Variants in EIF4B observed in about 807,000 individuals in gnomAD.
EIF4B encodes eukaryotic translation initiation factor 4B.
In EIF4B, 8 loss-of-function variants were observed where a neutral mutation model predicts 79.3. The observed-to-expected ratio is 0.10, with a 90% CI of 0.06 to 0.18. The LOEUF is 0.18. EIF4B is among the 10% of genes least tolerant of loss of function. The pLI is 1.00. For synonymous variants in EIF4B, 238 were observed against 274.7 expected (o/e 0.87, Z 1.32); for missense variants, 515 against 792.4 (o/e 0.65, Z 4.20).
chr12:53,022,317 GA>G, intron 5 of EIF4B, 175 bp from the exon 6 acceptor site: 2 of 904,056 alleles, frequency 2.2e-6, no homozygotes, highest in Non-Finnish European at 3.5e-6. Flanking sequence ...AAAACGGGAG[GA>G]AAAGAGCCAC....
At chr12:53,010,983 A>G (rs537475503) in intron 1 of EIF4B, among the ~76,000 whole-genome samples, 2 of 152,278 alleles carry the variant, frequency 1.3e-5, no homozygotes, top group South Asian at 4.1e-4. Flanking sequence ...TACAGTTTGG[A>G]CCGTGTGCAG....
chr12:53,034,060 T>C, intron 9 of EIF4B, 26 bp downstream of exon 9: 1 of 1,585,744 alleles, frequency 6.3e-7, no homozygotes, highest in Non-Finnish European at 8.6e-7. Flanking sequence ...GGATATCCCA[T>C]CTAGGAATCC....
Position 53,027,137 on chromosome 12 carries a change from A to ATTATTATTATTATTATTATTATTTTTT in EIF4B, c.668-643_668-642insATTATTATTATTATTATTATTTTTTTT, listed in dbSNP as rs1943349413. 4.3e-3 allele frequency among the ~76,000 whole-genome samples: 111 copies of ATTATTATTATTATTATTATTATTTTTT among 25,734 alleles called. 1 individual carries two copies. Among genetic ancestry groups the ATTATTATTATTATTATTATTATTTTTT allele is most frequent in the African/African-American group, 9.0e-3 (110 of 12,218 alleles). The allele number at this position is 25,734 out of a possible 152,430, so 16.9% of individuals were successfully genotyped here. ...AGACTGTCTCTCAAAAAAAAAAAAA[A>ATTATTATTATTATTATTATTATTTTTT]TTTTTTTTTTTTTTTTTTTTGAGAC... On this transcript the variant is annotated intron_variant, in intron 6 of 14. Transcript: ENST00000262056.
chr12:53,034,507 A>G (rs1425222604), intron 9 of EIF4B, 105 bp from the exon 10 acceptor site: 1 of 1,012,940 alleles, frequency 9.9e-7, no homozygotes, highest in Non-Finnish European at 1.5e-6. Flanking sequence ...ATATGCATAT[A>G]CACATATAGA....
chr12:53,019,435 A>ATTTTTTTCTTT (rs759250282), intron 3 of EIF4B, among the ~76,000 whole-genome samples: 3 of 39,452 alleles, frequency 7.6e-5, no homozygotes, highest in Non-Finnish European at 1.8e-4. Flanking sequence ...ATATATATAT[A>ATTTTTTTCTTT]TATTTTTTTT....
Position 53,022,504 on chromosome 12 carries a change from C to T in EIF4B, c.544C>T (p.Arg182Cys). 2 of 1,613,088 alleles carry T rather than the reference C, an allele frequency of 1.2e-6. No individual in the cohort carries two copies. The highest frequency in any genetic ancestry group is 8.5e-7 in the Non-Finnish European group (1 of 1,179,856). Residue 182 changes from arginine to cysteine, a missense_variant, in exon 6 of 15, where the codon CGT becomes TGT. Coordinates refer to ENST00000262056, the MANE Select transcript of EIF4B (RefSeq NM_001417.7). ...DQAQDKDRDD[R>C]SFGRDRNRDS... ...TAATGTATCTGTAGACAGGGATGAT[C>T]GTTCTTTTGGCCGTGATAGAAATCG...
At chr12:53,013,361 A>G (rs1035541674) in intron 1 of EIF4B, among the ~76,000 whole-genome samples, 2 of 152,242 alleles carry the variant, frequency 1.3e-5, no homozygotes, top group Admixed American at 6.5e-5. Flanking sequence ...AAGGATCTGT[A>G]GCTAGCATCA....
chr12:53,011,610 T>C (rs1943064448), intron 1 of EIF4B, among the ~76,000 whole-genome samples: 2 of 152,190 alleles, frequency 1.3e-5, no homozygotes, highest in African/African-American at 4.8e-5. Context: ...TAAGCTAAAA[T>C]ATCAGCAGTG....
intron 13 of EIF4B, 22 bp downstream of exon 13, chr12:53,039,365 T>C (rs761012246): frequency 6.5e-7 from 1 of 1,529,382 alleles, no homozygotes; most frequent in Admixed American, 1.9e-5. Flanking sequence ...CTCTTTCTCA[T>C]CTTTCCTCTG....
At chr12:53,039,581 T>C in intron 13 of EIF4B, 49 bp from the exon 14 acceptor site, 1 of 1,604,026 alleles carries the variant, frequency 6.2e-7, no homozygotes, top group East Asian at 2.2e-5. Context: ...ATGTTTGTAT[T>C]AGGCGAGTCC....
chr12:53,027,142 T>TAA (rs1943350546), intron 6 of EIF4B, among the ~76,000 whole-genome samples: 4 of 111,594 alleles, frequency 3.6e-5, no homozygotes, highest in African/African-American at 1.2e-4. Context: ...AAAAAATTTT[T>TAA]TTTTTTTTTT....
At chr12:53,035,787 C>T (rs1235464426) in intron 10 of EIF4B, among the ~76,000 whole-genome samples, 1 of 151,980 alleles carries the variant, frequency 6.6e-6, no homozygotes, top group Non-Finnish European at 1.5e-5. Flanking sequence ...GTCTTTCCTC[C>T]CACCTCTAAA....
In EIF4B at chr12:53,014,738, AT is replaced by A. The variant is rs1048780505; in HGVS notation, c.14-1733del. Reference sequence around the variant, plus strand: ...AACAAAGGGGTACATCAAGTTTGATATTCTTGGATTAAAAATCAGGTGACAA... The same window carrying A: ...AACAAAGGGGTACATCAAGTTTGATATCTTGGATTAAAAATCAGGTGACAA... On this transcript the variant is annotated intron_variant, in intron 1 of 14. Transcript: ENST00000262056. 1.4e-3 allele frequency: 210 copies of A among 152,328 alleles called. 1 individual carries two copies. The highest frequency in any genetic ancestry group is 4.9e-3 in the African/African-American group (202 of 41,584). The allele number at this position is 152,328 out of a possible 1,614,324, so 9.4% of individuals were successfully genotyped here. A position where few individuals can be genotyped will look rare whatever the true frequency, so the allele number is the denominator to read the frequency against.
chr12:53,016,687 G>A (rs1167765848), intron 2 of EIF4B, 77 bp downstream of exon 2: 45 of 1,486,356 alleles, frequency 3.0e-5, no homozygotes, highest in South Asian at 1.3e-4. Flanking sequence ...AATTCACATC[G>A]TTTGTAATCT....
rs766189761 is a variant in EIF4B, at chr12:53,034,047, G to C, written c.1208+13G>C. On this transcript the variant is annotated intron_variant, in intron 9 of 14. Transcript: ENST00000262056. ...GGCCTCGGGAGAGGTGTGTTGTCTT[G>C]ATGGATATCCCATCTAGGAATCCGG... is the stretch of plus-strand genomic sequence containing the variant. The C allele has an allele frequency of 6.3e-7, 1 of 1,599,452 alleles. No homozygotes were observed. Among genetic ancestry groups the C allele is most frequent in the Non-Finnish European group, 8.5e-7 (1 of 1,172,360 alleles).
Position 53,040,767 on chromosome 12 carries a change from G to A in EIF4B, c.*544G>A, listed in dbSNP as rs990755977. The A allele has an allele frequency of 1.1e-4, 17 of 150,456 alleles. No individual in the cohort carries two copies. Among genetic ancestry groups the A allele is most frequent in the African/African-American group, 4.1e-4 (17 of 41,018 alleles). 9.3% of individuals were successfully genotyped at this position (150,456 alleles called of 1,614,324 possible). A position where few individuals can be genotyped will look rare whatever the true frequency, so the allele number is the denominator to read the frequency against. ...CCTCTTATTTAATTCTGAGTTTTGG[G>A]GGCCAGCCTAGAGGGAATTCCTTTT... On this transcript the variant is annotated 3_prime_UTR_variant, in exon 15 of 15. Coordinates refer to ENST00000262056, the MANE Select transcript of EIF4B (RefSeq NM_001417.7).
chr12:53,033,494 C>T (rs1301258887), intron 8 of EIF4B, among the ~76,000 whole-genome samples: 1 of 151,884 alleles, frequency 6.6e-6, no homozygotes, highest in African/African-American at 2.4e-5. Flanking sequence ...AGGTGCGCGC[C>T]CCAACGCCCA....
In EIF4B at chr12:53,027,137, A is replaced by ATTTTTTTTTTTTTT. The variant is rs71095967; in HGVS notation, c.668-638_668-625dup. On this transcript the variant is annotated intron_variant, in intron 6 of 14. Coordinates refer to ENST00000262056, the MANE Select transcript of EIF4B (RefSeq NM_001417.7). ...AGACTGTCTCTCAAAAAAAAAAAAA[A>ATTTTTTTTTTTTTT]TTTTTTTTTTTTTTTTTTTTGAGAC... 1.3e-3 allele frequency among the ~76,000 whole-genome samples: 33 copies of ATTTTTTTTTTTTTT among 25,738 alleles called. 1 individual carries two copies. The highest frequency in any genetic ancestry group is 8.6e-3 in the South Asian group (3 of 348). 16.9% of individuals were successfully genotyped at this position (25,738 alleles called of 152,430 possible).
rs570279399 is a variant in EIF4B, at chr12:53,011,629, G to A, written c.14-4844G>A. Among the ~76,000 whole-genome samples, 6 of 152,368 alleles carry A rather than the reference G, an allele frequency of 3.9e-5. 1 individual carries two copies. In the South Asian group the frequency reaches 1.0e-3, roughly 26 times the overall value. On this transcript the variant is annotated intron_variant, in intron 1 of 14. Transcript: ENST00000262056. ...CTAAAATATCAGCAGTGCTGAGATA[G>A]AGAAACTCTGAGTTAAGAAGTAGGC...
Sources: allele counts gnomAD v4.1 joint callset (sites outside exome capture counted in the v4.1 genomes callset), GRCh38; gene constraint gnomAD v4.1.1; transcripts MANE v1.5; gene names NCBI Gene and HGNC (gene_info 2026-07-23, HGNC 2026-07-21).